CDH26: variants seen among roughly 807,000 people sequenced by gnomAD.
The protein encoded by CDH26 is cadherin-like protein 26.
In CDH26, 83 loss-of-function variants were observed where a neutral mutation model predicts 90.3. The observed-to-expected ratio is 0.92, with a 90% CI of 0.77 to 1.10. The LOEUF (loss-of-function observed/expected upper bound fraction) is 1.10, where lower values mean the gene tolerates loss of function less well. CDH26 is among the 50% of genes least tolerant of loss of function. The pLI is 0.00. For missense variants in CDH26, 1,013 were observed against 1,037.6 expected, an observed-to-expected ratio of 0.98 and a Z score of 0.33; for synonymous variants, 397 against 396.3, an observed-to-expected ratio of 1.00 and a Z score of -0.02.
chr20:60,014,641 T>C (rs2061889739), downstream of CDH26: 1 of 152,274 alleles, frequency 6.6e-6, no homozygotes. Context: ...TTTTTTATTT[T>C]AGTGGCTGAA....
chr20:59,994,541 A>G, intron 11 of CDH26, 52 bp downstream of exon 11: 1 of 1,597,846 alleles, frequency 6.3e-7, no homozygotes, highest in Non-Finnish European at 8.5e-7. Flanking sequence ...CAGATATCCA[A>G]TTCAAACAGA....
In CDH26 at chr20:59,995,695, G is replaced by A. The variant is rs1238416818; in HGVS notation, c.1667-138G>A. On this transcript the variant is annotated intron_variant, in intron 11 of 17. Transcript: ENST00000348616. ...TGATGTCAGAAGTGAGGGTACCCTT[G>A]AGGACCCCTCCCTCTAACTCTGCAG... The A allele has an allele frequency of 1.1e-5, 8 of 701,686 alleles. No individual in the cohort carries two copies. In the East Asian group the frequency reaches 1.9e-4, roughly 16 times the overall value. 43.5% of individuals were successfully genotyped at this position (701,686 alleles called of 1,614,324 possible).
chr20:60,018,694 C>G (rs552818988), downstream of CDH26, among the ~76,000 whole-genome samples: 47 of 53,678 alleles, frequency 8.8e-4, no homozygotes, highest in African/African-American at 2.9e-3. Context: ...TACTTCCTCT[C>G]TTACTGCCTT....
Position 60,030,207 on chromosome 20 carries a change from G to A in CDH26, c.948-1024G>A, listed in dbSNP as rs1210449430. ...GTGGAGCTCTGCTACCTTTTTGCTG[G>A]GTGACTTCCCCAGTCTGGGCCTGTG... On this transcript the variant is annotated intron_variant, in intron 7 of 8. Coordinates refer to the CDH26 transcript ENST00000370991. The surrounding 1 kb of genome is among the most constrained non-coding windows in gnomAD (Gnocchi z 4.0). Among the ~76,000 whole-genome samples the A allele has an allele frequency of 6.6e-6, 1 of 152,052 alleles. No homozygotes were observed. Among genetic ancestry groups the A allele is most frequent in the Non-Finnish European group, 1.5e-5 (1 of 67,998 alleles).
chr20:59,978,186 T>G (rs1450474393), intron 4 of CDH26, among the ~76,000 whole-genome samples: 1 of 152,170 alleles, frequency 6.6e-6, no homozygotes, highest in African/African-American at 2.4e-5. Flanking sequence ...CAATCATGAA[T>G]AAAGCTATAA....
rs1166269430 is a variant in CDH26 at position 59,967,841 on chromosome 20, C to CTT, written c.70-1124_70-1123dup. Among the ~76,000 whole-genome samples the CTT allele has an allele frequency of 1.4e-4, 12 of 82,890 alleles. 1 individual carries two copies. Among genetic ancestry groups the CTT allele is most frequent in the Admixed American group, 1.2e-3 (8 of 6,894 alleles). 54.4% of individuals were successfully genotyped at this position (82,890 alleles called of 152,430 possible). The stretch of plus-strand genomic sequence containing the variant: ...TCTTTCTTTCTTTCTTTCTTTCTTT[C>CTT]TTTCTTTCTTTCTTTCTTTCTTTCT... On this transcript the variant is annotated intron_variant, in intron 1 of 17. Coordinates refer to ENST00000348616, the MANE Select transcript of CDH26 (RefSeq NM_177980.4).
At chr20:59,988,709 T>G (rs2061488086) in intron 8 of CDH26, among the ~76,000 whole-genome samples, 195 bp from the exon 9 acceptor site, 1 of 152,026 alleles carries the variant, frequency 6.6e-6, no homozygotes, top group Middle Eastern at 3.4e-3. Flanking sequence ...AGGGAAAAAA[T>G]AAAAGAGAAA....
At chr20:59,971,475 A>G (rs77513199) in intron 3 of CDH26, among the ~76,000 whole-genome samples, 2,653 of 152,330 alleles carry the variant, frequency 0.017, 88 homozygotes, top group African/African-American at 0.058. Flanking sequence ...TTGTGTGATC[A>G]CTACTTCTCT....
At chr20:60,011,566 G>T (rs559048920) in intron 17 of CDH26, among the ~76,000 whole-genome samples, 2 of 152,294 alleles carry the variant, frequency 1.3e-5, no homozygotes, top group East Asian at 3.9e-4. Context: ...GGATTTGAAG[G>T]CCAGTTCCCA....
chr20:59,975,245 C>G (rs748781935), intron 4 of CDH26, among the ~76,000 whole-genome samples: 4 of 152,028 alleles, frequency 2.6e-5, no homozygotes, highest in Non-Finnish European at 4.4e-5. Context: ...GGCCATAACC[C>G]AGTGACCAGT....
chr20:60,013,649 A>G lies in CDH26; in HGVS notation c.*919A>G, dbSNP rs534158539. The stretch of plus-strand genomic sequence containing the variant: ...TGGATATCTAAAAGTCTACAGCCAT[A>G]TAAAAATTTTATATAATTAATGAGC... On this transcript the variant is annotated 3_prime_UTR_variant, in exon 18 of 18. Transcript: ENST00000348616. 2.0e-5 allele frequency: 3 copies of G among 152,356 alleles called. No individual in the cohort carries two copies. The South Asian group carries it at 6.2e-4, about 32-fold the overall frequency. The allele number at this position is 152,356 out of a possible 1,614,324, so 9.4% of individuals were successfully genotyped here.
chr20:60,012,610 C>A lies in CDH26; in HGVS notation c.2379C>A (p.Ala793=), dbSNP rs760614832. The A allele has an allele frequency of 1.2e-6, 2 of 1,614,034 alleles. No individual in the cohort carries two copies. Among genetic ancestry groups the A allele is most frequent in the Non-Finnish European group, 1.7e-6 (2 of 1,180,030 alleles). ...GCGAGGAAGGGGAGTGTGGAGGGGC[C>A]CCATCCCTCAGCTCTCTGGCCAGCT... ...VYSEEGECGG[A]PSLSSLASLE... The change falls in exon 18 of 18, where the codon GCC becomes GCA. Residue 793 remains alanine, a synonymous_variant. Transcript: ENST00000348616.
chr20:59,985,334 C>T (rs765640958), intron 7 of CDH26, among the ~76,000 whole-genome samples: 1 of 152,080 alleles, frequency 6.6e-6, no homozygotes, highest in Non-Finnish European at 1.5e-5. Flanking sequence ...GGCACCGGCT[C>T]AGCTTCTAGG....
intron 11 of CDH26, 30 bp from the exon 12 acceptor site, chr20:59,995,803 A>G (rs148060527): frequency 1.2e-5 from 19 of 1,591,900 alleles, no homozygotes; most frequent in Non-Finnish European, 1.6e-5. Flanking sequence ...GAGTGAGTCA[A>G]TGCATGCCAT....
chr20:60,027,425 T>A (rs1361727110), intron 7 of CDH26, among the ~76,000 whole-genome samples: 1 of 152,224 alleles, frequency 6.6e-6, no homozygotes, highest in East Asian at 1.9e-4. Context: ...TCCCTCTTTT[T>A]TCTTTTCTTC....
intron 3 of CDH26, among the ~76,000 whole-genome samples, chr20:59,971,244 T>C (rs1322806351): frequency 1.3e-5 from 2 of 152,138 alleles, no homozygotes; most frequent in African/African-American, 4.8e-5. Flanking sequence ...GTCTCAGTGG[T>C]TAAAAGTGTA....
At chr20:60,012,296 C>G (rs1359589226) in intron 17 of CDH26, among the ~76,000 whole-genome samples, 4 of 151,970 alleles carry the variant, frequency 2.6e-5, no homozygotes, top group Non-Finnish European at 5.9e-5. Context: ...CTGTCATACT[C>G]CTGGGGCGGC....
At chr20:60,018,700 G>T (rs574467414), downstream of CDH26, among the ~76,000 whole-genome samples, 5 of 35,590 alleles carry the variant, frequency 1.4e-4, no homozygotes, top group African/African-American at 2.9e-4. Context: ...CTCTCTTACT[G>T]CCTTTTTTTT....
At chr20:59,999,550 C>T in intron 13 of CDH26, 36 bp from the exon 14 acceptor site, 1 of 1,548,488 alleles carries the variant, frequency 6.5e-7, no homozygotes, top group Non-Finnish European at 8.9e-7. Context: ...TCTGTGATTT[C>T]AGCCCTTGTC....
Sources: allele counts gnomAD v4.1 joint callset (sites outside exome capture counted in the v4.1 genomes callset), GRCh38; gene constraint gnomAD v4.1.1; non-coding constraint Gnocchi (gnomAD v3.1); transcripts MANE v1.5; gene names NCBI Gene and HGNC (gene_info 2026-07-23, HGNC 2026-07-21).